The following SLC10A6 variants were observed in gnomAD, a reference collection of about 807,000 sequenced individuals.
SLC10A6 encodes sodium-dependent organic anion transporter.
Under a neutral mutation model 30.0 loss-of-function variants are expected in SLC10A6, and 27 were observed. The observed-to-expected ratio is 0.90, with a 90% CI of 0.66 to 1.24. The LOEUF is 1.24. Among genes scored for constraint, SLC10A6 ranks in the 50% most tolerant of loss-of-function variants. SLC10A6 has a pLI of 0.00. For missense variants in SLC10A6, 439 were observed against 457.0 expected, an observed-to-expected ratio of 0.96 and a Z score of 0.36; for synonymous variants, 166 against 173.8, an observed-to-expected ratio of 0.95 and a Z score of 0.36.
At chr4:86,836,073 G>C (rs1258431745) in intron 1 of SLC10A6, among the ~76,000 whole-genome samples, 1 of 152,182 alleles carries the variant, frequency 6.6e-6, no homozygotes. Context: ...AAAACCAACA[G>C]CCATGCTACA....
intron 1 of SLC10A6, among the ~76,000 whole-genome samples, chr4:86,839,244 T>G (rs1197236489): frequency 7.2e-6 from 1 of 138,724 alleles, no homozygotes; most frequent in African/African-American, 2.7e-5. Flanking sequence ...AACAACAGCC[T>G]GAGCAACATA....
intron 3 of SLC10A6, among the ~76,000 whole-genome samples, chr4:86,829,092 T>C (rs1167894314): frequency 6.6e-6 from 1 of 152,166 alleles, no homozygotes; most frequent in East Asian, 1.9e-4. Context: ...ACTAGACCCC[T>C]GCCTAAGAAA....
chr4:86,842,845 T>G (rs1746322162), intron 1 of SLC10A6, among the ~76,000 whole-genome samples: 4 of 61,222 alleles, frequency 6.5e-5, no homozygotes, highest in African/African-American at 4.0e-4. Flanking sequence ...TTTCTTTCTT[T>G]CTTTCTTTCT....
At chr4:86,839,390 G>T (rs117820887) in intron 1 of SLC10A6, among the ~76,000 whole-genome samples, 1 of 151,978 alleles carries the variant, frequency 6.6e-6, no homozygotes, top group Non-Finnish European at 1.5e-5. Flanking sequence ...GTTTGAGGCT[G>T]CAGTGAGCTA....
At chr4:86,837,045 T>C (rs1481544660) in intron 1 of SLC10A6, among the ~76,000 whole-genome samples, 3 of 151,738 alleles carry the variant, frequency 2.0e-5, no homozygotes, top group Non-Finnish European at 4.4e-5. Context: ...CGCCCGGCCA[T>C]AATATACTGT....
Position 86,849,303 on chromosome 4 carries a change from T to G in SLC10A6, c.-188A>C. On this transcript the variant is annotated 5_prime_UTR_variant, in exon 1 of 6. Transcript: ENST00000273905. ...TCACAAGTGGCATTATAAAAGTAATTATCACAGGCATGAAACATATAATAA... is the reference window on the plus strand; with the variant it reads ...TCACAAGTGGCATTATAAAAGTAATGATCACAGGCATGAAACATATAATAA... 1 of 646,010 alleles carries G rather than the reference T, an allele frequency of 1.5e-6. No homozygotes were observed. The highest frequency in any genetic ancestry group is 2.1e-5 in the South Asian group (1 of 48,032). 40.0% of individuals were successfully genotyped at this position (646,010 alleles called of 1,614,324 possible).
chr4:86,841,055 C>T (rs184571119), intron 1 of SLC10A6, among the ~76,000 whole-genome samples: 2 of 152,306 alleles, frequency 1.3e-5, no homozygotes, highest in Non-Finnish European at 2.9e-5. Context: ...TATGATAGTG[C>T]TACATTCCTT....
chr4:86,828,135 C>G lies in SLC10A6; in HGVS notation c.619G>C (p.Val207Leu). The change falls in exon 4 of 6, where the codon GTG (valine) becomes CTG (leucine). Residue 207 changes from valine (V) to leucine (L), a missense_variant. Transcript: ENST00000273905. ...GAVVGGVLLL[V>L]VAVAGVVLAK... is the part of the protein sequence containing the mutation. ...AGGACCACACCAGCAACTGCGACCA[C>G]CAGAAGGAGGACCCCACCAACAACG... 9.9e-6 allele frequency: 16 copies of G among 1,613,472 alleles called. No homozygotes were observed. The highest frequency in any genetic ancestry group is 1.4e-5 in the Non-Finnish European group (16 of 1,179,724).
At chr4:86,843,903 G>A (rs1232048253) in intron 1 of SLC10A6, among the ~76,000 whole-genome samples, 2 of 152,150 alleles carry the variant, frequency 1.3e-5, no homozygotes, top group African/African-American at 4.8e-5. Flanking sequence ...AACTGGCCGG[G>A]CTCGGTGGCT....
intron 1 of SLC10A6, among the ~76,000 whole-genome samples, chr4:86,838,007 T>C (rs1219132678): frequency 1.3e-5 from 2 of 152,222 alleles, no homozygotes; most frequent in Non-Finnish European, 2.9e-5. Context: ...TATATCACCA[T>C]TGCTTCCATC....
Position 86,825,469 on chromosome 4 carries a change from T to C in SLC10A6, c.870A>G (p.Pro290=). The C allele has an allele frequency of 6.2e-7, 1 of 1,612,320 alleles. No individual in the cohort carries two copies. The highest frequency in any genetic ancestry group is 1.1e-5 in the South Asian group (1 of 90,954). ...TCAGCTGGAAGAGTCCATAGGCCAG[T>C]GGGAAACTCAACATCTGGACCAAGT... ...AEHLVQMLSF[P]LAYGLFQLID... Residue 290 remains proline (P), a synonymous_variant, in exon 5 of 6, where the codon CCA becomes CCG. Coordinates refer to ENST00000273905, the MANE Select transcript of SLC10A6 (RefSeq NM_197965.3).
chr4:86,825,715 G>A (rs1745983615), intron 4 of SLC10A6, 138 bp from the exon 5 acceptor site: 1 of 953,032 alleles, frequency 1.0e-6, no homozygotes, highest in Non-Finnish European at 1.5e-6. Context: ...GTTATTTGCT[G>A]AGTGCCTATT....
chr4:86,842,845 T>TTA (rs1746322279), intron 1 of SLC10A6, among the ~76,000 whole-genome samples: 1 of 61,222 alleles, frequency 1.6e-5, no homozygotes. Flanking sequence ...TTTCTTTCTT[T>TTA]CTTTCTTTCT....
Position 86,837,634 on chromosome 4 carries a change from C to T in SLC10A6, c.378-4210G>A, listed in dbSNP as rs778513851. ...TTCCATCTCAGTCTCACTCCCAAAT[C>T]GCAAGTTAAGGCTGTATTTTGTACC... On this transcript the variant is annotated intron_variant, in intron 1 of 5. Coordinates refer to ENST00000273905, the MANE Select transcript of SLC10A6 (RefSeq NM_197965.3). 31 of 985,238 alleles carry T rather than the reference C, an allele frequency of 3.1e-5. No individual in the cohort carries two copies. In the Admixed American group the frequency reaches 6.8e-4, roughly 21 times the overall value. The allele number at this position is 985,238 out of a possible 1,614,324, so 61.0% of individuals were successfully genotyped here.
chr4:86,844,164 C>T (rs889932495), intron 1 of SLC10A6, among the ~76,000 whole-genome samples: 2 of 151,904 alleles, frequency 1.3e-5, no homozygotes, highest in African/African-American at 2.4e-5. Flanking sequence ...GGTGACAGAG[C>T]GAGACTCCGT....
At chr4:86,846,356 T>G (rs886993133) in intron 1 of SLC10A6, among the ~76,000 whole-genome samples, 14 of 152,174 alleles carry the variant, frequency 9.2e-5, no homozygotes, top group African/African-American at 3.4e-4. Context: ...TAATATTTAT[T>G]GCACAACTAC....
intron 4 of SLC10A6, among the ~76,000 whole-genome samples, chr4:86,826,246 A>G (rs1745997959): frequency 1.3e-5 from 2 of 152,152 alleles, no homozygotes. Flanking sequence ...ATATTTTTGA[A>G]AGACATATGA....
intron 1 of SLC10A6, among the ~76,000 whole-genome samples, chr4:86,845,062 C>T (rs1047853697): frequency 3.9e-5 from 6 of 152,122 alleles, no homozygotes; most frequent in Admixed American, 6.5e-5. Context: ...GGACACAGAG[C>T]CAAACCATAT....
chr4:86,837,296 AG>A (rs1560460404), intron 1 of SLC10A6, among the ~76,000 whole-genome samples: 1,603 of 101,642 alleles, frequency 0.016, 57 homozygotes, highest in Non-Finnish European at 0.022. Context: ...AAAGAAAGGA[AG>A]GAAGGAAGGA....
Sources: allele counts gnomAD v4.1 joint callset (sites outside exome capture counted in the v4.1 genomes callset), GRCh38; gene constraint gnomAD v4.1.1; transcripts MANE v1.5; gene names NCBI Gene and HGNC (gene_info 2026-07-23, HGNC 2026-07-21).